PCDH15: variants seen among roughly 807,000 people sequenced by gnomAD.
The protein encoded by PCDH15 is protocadherin related 15, also known as protocadherin-15.
PCDH15 carries 129 observed loss-of-function variants against 178.5 expected under a neutral mutation model. The observed-to-expected ratio is 0.72, with a 90% CI of 0.63 to 0.84. The LOEUF is 0.84. Ranked by LOEUF, PCDH15 falls within the 40% of genes least tolerant of loss-of-function variation. PCDH15 has a pLI of 0.00. For synonymous variants in PCDH15, 800 were observed against 732.0 expected (o/e 1.09, Z -1.50); for missense variants, 2,230 against 2,099.9 (o/e 1.06, Z -1.21).
chr10:54,060,525 C>T (rs942946760), intron 18 of PCDH15, among the ~76,000 whole-genome samples: 1 of 152,058 alleles, frequency 6.6e-6, no homozygotes, highest in African/African-American at 2.4e-5. Context: ...TTATTTTAAA[C>T]CTGTACATAT....
chr10:55,474,374 C>T (rs998262435), intron 2 of PCDH15, among the ~76,000 whole-genome samples: 1 of 152,034 alleles, frequency 6.6e-6, no homozygotes. Flanking sequence ...ATTTTTGAAT[C>T]ATTAAACTCT....
chr10:53,965,219 G>A (rs937516663), intron 21 of PCDH15, among the ~76,000 whole-genome samples: 2 of 151,806 alleles, frequency 1.3e-5, no homozygotes, highest in African/African-American at 4.8e-5. Context: ...CACCATGCCC[G>A]GCTAATTTTT....
chr10:55,030,739 G>A (rs998332056), intron 2 of PCDH15, among the ~76,000 whole-genome samples: 3 of 152,092 alleles, frequency 2.0e-5, no homozygotes, highest in Non-Finnish European at 4.4e-5. Context: ...GAAACATTCT[G>A]TGAATTTTCA....
chr10:55,005,434 T>A (rs927642753), intron 2 of PCDH15, among the ~76,000 whole-genome samples: 1 of 152,124 alleles, frequency 6.6e-6, no homozygotes, highest in African/African-American at 2.4e-5. Context: ...CTTTAAGAAA[T>A]TTTTAATCTC....
At chr10:54,650,753 G>A (rs2094240139) in intron 2 of PCDH15, among the ~76,000 whole-genome samples, 1 of 151,612 alleles carries the variant, frequency 6.6e-6, no homozygotes, top group African/African-American at 2.4e-5. Context: ...AGCAAAAGGG[G>A]TTTCCCCTTA....
chr10:55,304,868 C>A (rs1262996553), intron 1 of PCDH15, among the ~76,000 whole-genome samples: 2 of 152,116 alleles, frequency 1.3e-5, no homozygotes, highest in Non-Finnish European at 2.9e-5. Flanking sequence ...TTATATCATA[C>A]TTGATAATTA....
chr10:54,220,839 A>AATAG (rs1227845900), intron 9 of PCDH15, among the ~76,000 whole-genome samples: 2 of 147,738 alleles, frequency 1.4e-5, no homozygotes, highest in Non-Finnish European at 3.0e-5. Flanking sequence ...TAAATAAATA[A>AATAG]ATAAATAAAT....
At chr10:54,627,957 A>C (rs188056782) in intron 2 of PCDH15, among the ~76,000 whole-genome samples, 1 of 152,304 alleles carries the variant, frequency 6.6e-6, no homozygotes, top group African/African-American at 2.4e-5. Context: ...TAATATCTCT[A>C]GGCTACTATT....
chr10:54,846,585 GA>G (rs958227189), intron 3 of PCDH15, among the ~76,000 whole-genome samples: 6 of 151,912 alleles, frequency 3.9e-5, no homozygotes, highest in African/African-American at 1.5e-4. Flanking sequence ...TTTAACGTAT[GA>G]AAAAAATCTA....
intron 2 of PCDH15, among the ~76,000 whole-genome samples, chr10:55,358,118 G>T (rs1845125521): frequency 6.6e-6 from 1 of 152,008 alleles, no homozygotes; most frequent in South Asian, 2.1e-4. Context: ...ATTGGCATTG[G>T]CCCTGTAAAT....
chr10:53,999,415 A>G (rs2092015455), intron 20 of PCDH15, among the ~76,000 whole-genome samples: 2 of 151,774 alleles, frequency 1.3e-5, no homozygotes, highest in South Asian at 2.1e-4. Context: ...CAATTTCTGT[A>G]TTGTCTCCTT....
At chr10:54,409,544 C>T (rs979584691) in intron 3 of PCDH15, among the ~76,000 whole-genome samples, 3 of 152,050 alleles carry the variant, frequency 2.0e-5, no homozygotes, top group African/African-American at 7.2e-5. Context: ...CTGGTCTTTA[C>T]TGTGTACATT....
chr10:53,991,141 G>A (rs1299662200), intron 21 of PCDH15, among the ~76,000 whole-genome samples: 1 of 152,096 alleles, frequency 6.6e-6, no homozygotes, highest in Non-Finnish European at 1.5e-5. Context: ...ACAGGGTGCT[G>A]CCCCCTGCTC....
intron 6 of PCDH15, among the ~76,000 whole-genome samples, chr10:54,337,686 C>T (rs1409021166): frequency 1.3e-5 from 2 of 152,162 alleles, no homozygotes; most frequent in East Asian, 1.9e-4. Flanking sequence ...TTGAAAGAAA[C>T]ATCTGACAGA....
chr10:55,266,585 A>G (rs1842301707), intron 1 of PCDH15, among the ~76,000 whole-genome samples: 2 of 152,182 alleles, frequency 1.3e-5, no homozygotes, highest in Non-Finnish European at 2.9e-5. Flanking sequence ...CCCATCCTGT[A>G]CCTGTAAAAA....
At chr10:55,216,918 A>T (rs2132178024) in intron 1 of PCDH15, among the ~76,000 whole-genome samples, 1 of 151,998 alleles carries the variant, frequency 6.6e-6, no homozygotes, top group South Asian at 2.1e-4. Flanking sequence ...TATTTGCTAA[A>T]TTTATCCTGC....
chr10:54,735,261 T>A (rs576348652), intron 1 of PCDH15, among the ~76,000 whole-genome samples: 3 of 152,176 alleles, frequency 2.0e-5, no homozygotes, highest in African/African-American at 7.2e-5. Flanking sequence ...ATTTTATTAT[T>A]TGAGTGTCTT....
At chr10:54,270,851 A>C (rs563862399) in intron 8 of PCDH15, among the ~76,000 whole-genome samples, 1 of 152,330 alleles carries the variant, frequency 6.6e-6, no homozygotes, top group African/African-American at 2.4e-5. Context: ...GAATTAGTGA[A>C]AAGTTTATTT....
intron 18 of PCDH15, among the ~76,000 whole-genome samples, chr10:54,061,413 T>C (rs1033603582): frequency 1.3e-5 from 2 of 152,280 alleles, no homozygotes; most frequent in East Asian, 3.9e-4. Context: ...TTTCCAGAAC[T>C]CCTTTAAACA....
Sources: gnomAD v4.1 joint callset for allele counts (sites outside exome capture counted in the v4.1 genomes callset) on GRCh38, gnomAD v4.1.1 for gene constraint, MANE v1.5 for transcripts, NCBI Gene and HGNC (gene_info 2026-07-23, HGNC 2026-07-21) for gene names.